TTLL11: variants seen among roughly 807,000 people sequenced by gnomAD.
The protein encoded by TTLL11 is tubulin polyglutamylase TTLL11.
In TTLL11, 42 loss-of-function variants were observed where a neutral mutation model predicts 51.7. That is an observed-to-expected ratio of 0.81 (90% CI 0.64 to 1.05). TTLL11 has a LOEUF of 1.05. Among genes scored for constraint, TTLL11 ranks in the 50% least tolerant of loss-of-function variants. The pLI is 0.00. For synonymous variants in TTLL11, 381 were observed against 383.5 expected (o/e 0.99, Z 0.08); for missense variants, 799 against 940.4 (o/e 0.85, Z 1.97).
Position 121,995,683 on chromosome 9 carries a change from C to T in TTLL11, c.694-5913G>A, listed in dbSNP as rs908927029. 6.6e-6 allele frequency among the ~76,000 whole-genome samples: 1 copy of T among 152,160 alleles called. No individual in the cohort carries two copies. The highest frequency in any genetic ancestry group is 2.4e-5 in the African/African-American group (1 of 41,422). The stretch of plus-strand genomic sequence containing the variant: ...TGAGTATTATTTGCACGACTCCAGA[C>T]AGAGCTAATTTAGGACTTTATAATA... On this transcript the variant is annotated intron_variant, in intron 3 of 8. Transcript: ENST00000321582. The surrounding 1 kb of genome is among the most constrained non-coding windows in gnomAD (Gnocchi z 4.4).
intron 6 of TTLL11, among the ~76,000 whole-genome samples, chr9:121,895,995 TGTGA>T (rs77655703): frequency 0.24 from 35,282 of 144,726 alleles, 4,176 homozygotes; most frequent in East Asian, 0.35. Flanking sequence ...GGGTGTTTTG[TGTGA>T]GTGTGTATGT....
chr9:122,054,437 C>T (rs941266753), intron 1 of TTLL11, among the ~76,000 whole-genome samples: 1 of 152,054 alleles, frequency 6.6e-6, no homozygotes, highest in Non-Finnish European at 1.5e-5. Flanking sequence ...TATTAGGCAA[C>T]AGAAAAAGAA....
At chr9:121,826,028 G>A (rs1836740427) in intron 8 of TTLL11, among the ~76,000 whole-genome samples, 1 of 150,492 alleles carries the variant, frequency 6.6e-6, no homozygotes, top group Non-Finnish European at 1.5e-5. Context: ...GATGATGGAG[G>A]GGGAGATGCT....
At chr9:121,918,318 G>A (rs1711535195) in intron 6 of TTLL11, among the ~76,000 whole-genome samples, 1 of 152,228 alleles carries the variant, frequency 6.6e-6, no homozygotes, top group South Asian at 2.1e-4. Context: ...GTCACAGAGT[G>A]ATGGGAAATG....
chr9:121,913,446 T>C (rs1395972849), intron 6 of TTLL11, among the ~76,000 whole-genome samples: 2 of 152,224 alleles, frequency 1.3e-5, no homozygotes, highest in Non-Finnish European at 2.9e-5. Context: ...ACAGCTGATA[T>C]TATCTCTTTG....
rs536108721 is a variant in TTLL11, at chr9:121,858,748, C to A, written c.1840+1589G>T. Among the ~76,000 whole-genome samples the A allele has an allele frequency of 3.9e-5, 6 of 152,344 alleles. No individual in the cohort carries two copies. In the East Asian group the frequency reaches 1.2e-3, roughly 29 times the overall value. On this transcript the variant is annotated intron_variant, in intron 8 of 8. Coordinates refer to ENST00000321582, the MANE Select transcript of TTLL11 (RefSeq NM_001139442.2). ...AGCGAGGACTCCAAAGACCTCAGAGCCACCCTGGAGAGCAGGGATTGTTGG... is the reference window on the plus strand; with the variant it reads ...AGCGAGGACTCCAAAGACCTCAGAGACACCCTGGAGAGCAGGGATTGTTGG...
intron 3 of TTLL11, among the ~76,000 whole-genome samples, chr9:122,028,989 C>T (rs72767727): frequency 0.044 from 6,669 of 152,156 alleles, 173 homozygotes; most frequent in African/African-American, 0.074. Flanking sequence ...GAAAATGTAA[C>T]ATACAAAAAT....
At chr9:121,985,124 G>A (rs1842911936) in intron 4 of TTLL11, among the ~76,000 whole-genome samples, 2 of 152,208 alleles carry the variant, frequency 1.3e-5, no homozygotes, top group Admixed American at 6.5e-5. Context: ...ACATGTTTAA[G>A]ATAAATGTAA....
At chr9:121,837,363 G>C (rs554202271) in intron 8 of TTLL11, among the ~76,000 whole-genome samples, 16 of 152,208 alleles carry the variant, frequency 1.1e-4, no homozygotes, top group African/African-American at 3.4e-4. Context: ...TTAACTTGGG[G>C]TTGGGATCTT....
chr9:122,037,614 G>A (rs1403831623), intron 2 of TTLL11, among the ~76,000 whole-genome samples: 1 of 152,140 alleles, frequency 6.6e-6, no homozygotes, highest in African/African-American at 2.4e-5. Flanking sequence ...GGCATACTAT[G>A]GAGCAGTTCT....
intron 4 of TTLL11, among the ~76,000 whole-genome samples, chr9:121,975,249 T>C (rs1842675887): frequency 6.6e-6 from 1 of 152,214 alleles, no homozygotes; most frequent in Non-Finnish European, 1.5e-5. Flanking sequence ...CTTTCTTCTT[T>C]AACAGGTTTT....
At chr9:121,978,079 A>G (rs988698152) in intron 4 of TTLL11, among the ~76,000 whole-genome samples, 2 of 152,238 alleles carry the variant, frequency 1.3e-5, no homozygotes, top group African/African-American at 4.8e-5. Context: ...GGGAGAAAAG[A>G]TCAAATAAAG....
intron 8 of TTLL11, among the ~76,000 whole-genome samples, chr9:121,852,735 C>G (rs1332446196): frequency 6.6e-6 from 1 of 152,022 alleles, no homozygotes; most frequent in African/African-American, 2.4e-5. Context: ...TCTGGGTGAG[C>G]GAGGGGGAGG....
intron 3 of TTLL11, among the ~76,000 whole-genome samples, chr9:122,005,073 C>A (rs997742853): frequency 2.6e-5 from 4 of 152,176 alleles, no homozygotes; most frequent in Non-Finnish European, 5.9e-5. Flanking sequence ...GAGGATGAGA[C>A]ACAGGGAGAA....
intron 4 of TTLL11, among the ~76,000 whole-genome samples, chr9:121,983,451 G>A (rs981194240): frequency 1.3e-5 from 2 of 152,190 alleles, no homozygotes; most frequent in African/African-American, 4.8e-5. Flanking sequence ...AAGGCCATGG[G>A]GGCTACGCGG....
At chr9:122,082,676 G>A (rs1846029388) in intron 1 of TTLL11, among the ~76,000 whole-genome samples, 1 of 152,092 alleles carries the variant, frequency 6.6e-6, no homozygotes, top group African/African-American at 2.4e-5. Flanking sequence ...AGATGTATAT[G>A]AGGTACTGCT....
intron 3 of TTLL11, among the ~76,000 whole-genome samples, chr9:122,010,522 CA>C (rs1843765322): frequency 6.6e-6 from 1 of 152,188 alleles, no homozygotes; most frequent in Non-Finnish European, 1.5e-5. Flanking sequence ...GTATTTATGA[CA>C]GAGACTCTAT....
chr9:121,986,830 C>A (rs774360391), intron 4 of TTLL11, among the ~76,000 whole-genome samples: 4 of 152,000 alleles, frequency 2.6e-5, no homozygotes, highest in Non-Finnish European at 4.4e-5. Flanking sequence ...GTTCTCACTT[C>A]TTGTCCCAAG....
chr9:122,075,003 A>G (rs1456282191), intron 1 of TTLL11, among the ~76,000 whole-genome samples: 1 of 152,190 alleles, frequency 6.6e-6, no homozygotes, highest in Non-Finnish European at 1.5e-5. Context: ...AATTTTTTTA[A>G]AAATCCCTCA....
Sources: allele counts gnomAD v4.1 joint callset (sites outside exome capture counted in the v4.1 genomes callset), GRCh38; gene constraint gnomAD v4.1.1; non-coding constraint Gnocchi (gnomAD v3.1); transcripts MANE v1.5; gene names NCBI Gene and HGNC (gene_info 2026-07-23, HGNC 2026-07-21).